The following RXFP1 variants were observed in gnomAD, a reference collection of about 807,000 sequenced individuals.
RXFP1 encodes the protein relaxin family peptide receptor 1, also known as relaxin receptor 1.
A neutral mutation model predicts 89.8 loss-of-function variants in RXFP1; 73 were observed. The observed-to-expected ratio is 0.81, with a 90% CI of 0.67 to 0.99. The LOEUF (loss-of-function observed/expected upper bound fraction) is 0.99, where lower values mean the gene tolerates loss of function less well. Ranked by LOEUF, RXFP1 falls within the 50% of genes least tolerant of loss-of-function variation. RXFP1 has a pLI of 0.00. For synonymous variants in RXFP1, 277 were observed against 305.5 expected, an observed-to-expected ratio of 0.91 and a Z score of 0.97; for missense variants, 793 against 895.5, an observed-to-expected ratio of 0.89 and a Z score of 1.46.
chr4:158,545,598 C>T (rs192060252), intron 1 of RXFP1, among the ~76,000 whole-genome samples: 1 of 152,288 alleles, frequency 6.6e-6, no homozygotes, highest in East Asian at 1.9e-4. Flanking sequence ...ACATGTAAGT[C>T]TTTAATTCAT....
At chr4:158,573,165 C>T in intron 2 of RXFP1, 1 of 183,082 alleles carries the variant, frequency 5.5e-6, no homozygotes. Context: ...CCCACCATCA[C>T]GCCCGGCTAA....
chr4:158,595,175 T>G (rs1025042921), intron 3 of RXFP1, among the ~76,000 whole-genome samples: 1 of 152,228 alleles, frequency 6.6e-6, no homozygotes, highest in Non-Finnish European at 1.5e-5. Context: ...AATTATTCAA[T>G]TCTCTTACTC....
At chr4:158,587,782 A>C (rs1366476774) in intron 2 of RXFP1, among the ~76,000 whole-genome samples, 1 of 152,182 alleles carries the variant, frequency 6.6e-6, no homozygotes, top group Admixed American at 6.5e-5. Flanking sequence ...TTCTGCTTAT[A>C]TATATCTGTA....
In RXFP1 at chr4:158,579,728, A is replaced by G. The variant is rs981712476; in HGVS notation, c.187+6893A>G. 2.0e-5 allele frequency among the ~76,000 whole-genome samples: 3 copies of G among 152,360 alleles called. No homozygotes were observed. In the East Asian group the frequency reaches 5.8e-4, roughly 29 times the overall value. On this transcript the variant is annotated intron_variant, in intron 2 of 17. Coordinates refer to ENST00000307765, the MANE Select transcript of RXFP1 (RefSeq NM_021634.4). ...TCTGGTCCAGATTAAAGCAAGCCTT[A>G]GAATTTAGTCTTAGTGGATTTTAGA...
chr4:158,645,111 T>G lies in RXFP1; in HGVS notation c.1318T>G (p.Tyr440Asp). 1 of 1,613,784 alleles carries G rather than the reference T, an allele frequency of 6.2e-7. No homozygotes were observed. Among genetic ancestry groups the G allele is most frequent in the Non-Finnish European group, 8.5e-7 (1 of 1,179,636 alleles). Residue 440 changes from tyrosine to aspartate, a missense_variant, in exon 15 of 18, where the codon TAT (tyrosine) becomes GAT (aspartate). By Grantham distance (160) the Tyr-to-Asp change is radical. Coordinates refer to ENST00000307765, the MANE Select transcript of RXFP1 (RefSeq NM_021634.4). ...RPYIRSENKL[Y>D]AMSIISLCCA... ...TTATATCAGGTCTGAGAACAAGCTG[T>G]ATGCCATGTCAATCATTTCTCTCTG... is the stretch of plus-strand genomic sequence containing the variant.
chr4:158,626,132 A>ATAGATAGATAGATAGATAGATAGT, intron 9 of RXFP1, among the ~76,000 whole-genome samples: 1 of 144,002 alleles, frequency 6.9e-6, no homozygotes, highest in African/African-American at 2.6e-5. Context: ...AGATAGATAG[A>ATAGATAGATAGATAGATAGATAGT]TAGATAGATA....
chr4:158,615,541 A>G (rs1764388863), intron 8 of RXFP1, among the ~76,000 whole-genome samples: 1 of 152,090 alleles, frequency 6.6e-6, no homozygotes, highest in Admixed American at 6.5e-5. Context: ...TGTCTCAAAA[A>G]AAAAAAAAGA....
intron 1 of RXFP1, among the ~76,000 whole-genome samples, chr4:158,543,513 C>A (rs1241275353): frequency 6.6e-6 from 1 of 152,318 alleles, no homozygotes; most frequent in East Asian, 1.9e-4. Context: ...TTGGGGCAGT[C>A]ACCTCATCTA....
chr4:158,623,502 CAA>C (rs56692438), intron 9 of RXFP1, among the ~76,000 whole-genome samples: 1,405 of 42,482 alleles, frequency 0.033, 12 homozygotes, highest in African/African-American at 0.086. Context: ...AACTCCATCT[CAA>C]AAAAAAAAAA....
intron 10 of RXFP1, among the ~76,000 whole-genome samples, chr4:158,628,241 C>G (rs574540237): frequency 1.2e-4 from 18 of 152,206 alleles, no homozygotes; most frequent in African/African-American, 3.6e-4. Flanking sequence ...GAAATCACAT[C>G]AAGTAACAAA....
At chr4:158,611,816 G>A (rs1763635839) in intron 6 of RXFP1, among the ~76,000 whole-genome samples, 1 of 152,170 alleles carries the variant, frequency 6.6e-6, no homozygotes, top group African/African-American at 2.4e-5. Flanking sequence ...TTCACATGCT[G>A]TGGCCTCTCC....
intron 9 of RXFP1, among the ~76,000 whole-genome samples, chr4:158,620,294 G>T (rs1286201044): frequency 2.0e-5 from 3 of 152,078 alleles, no homozygotes; most frequent in African/African-American, 7.2e-5. Context: ...AAAAATAAAG[G>T]CAAAACAGAA....
In RXFP1 at chr4:158,594,575, T is replaced by A. The variant is rs1431589134; in HGVS notation, c.286+1076T>A. Among the ~76,000 whole-genome samples, 7 of 152,284 alleles carry A rather than the reference T, an allele frequency of 4.6e-5. No homozygotes were observed. The East Asian group carries it at 1.4e-3, about 29-fold the overall frequency. On this transcript the variant is annotated intron_variant, in intron 3 of 17. Coordinates refer to ENST00000307765, the MANE Select transcript of RXFP1 (RefSeq NM_021634.4). Reference sequence around the variant, plus strand: ...CACATAGTGAGCACTCAATAAATTATTGTTGAAGTCTATATAGGAGGCTAT... The same window carrying A: ...CACATAGTGAGCACTCAATAAATTAATGTTGAAGTCTATATAGGAGGCTAT...
chr4:158,649,372 A>G (rs966329432), intron 17 of RXFP1, among the ~76,000 whole-genome samples: 1 of 152,156 alleles, frequency 6.6e-6, no homozygotes, highest in East Asian at 1.9e-4. Context: ...ATGTAAGAAA[A>G]TTTTCTTCCT....
chr4:158,530,441 G>GT (rs1456763204), intron 1 of RXFP1, among the ~76,000 whole-genome samples: 12 of 152,104 alleles, frequency 7.9e-5, no homozygotes, highest in Admixed American at 2.6e-4. Context: ...TATTTTAATG[G>GT]TTTTTTCCCA....
intron 3 of RXFP1, among the ~76,000 whole-genome samples, chr4:158,593,841 GA>G (rs999798359): frequency 6.6e-6 from 1 of 152,152 alleles, no homozygotes; most frequent in African/African-American, 2.4e-5. Context: ...GTGATGTAAA[GA>G]AAACAGAGAA....
chr4:158,600,763 G>A (rs1036280949), intron 4 of RXFP1, among the ~76,000 whole-genome samples: 2 of 151,820 alleles, frequency 1.3e-5, no homozygotes, highest in African/African-American at 4.8e-5. Context: ...GGAGGTCAAG[G>A]CTGCAGTGAG....
chr4:158,610,168 G>A (rs1580043296), intron 6 of RXFP1, among the ~76,000 whole-genome samples: 3 of 152,184 alleles, frequency 2.0e-5, no homozygotes, highest in Middle Eastern at 3.4e-3. Context: ...AGGAGGGTGA[G>A]GCAAGAGAAT....
chr4:158,527,564 A>AAATAATATATAT (rs5741905), intron 1 of RXFP1, among the ~76,000 whole-genome samples: 1 of 98,338 alleles, frequency 1.0e-5, no homozygotes, highest in African/African-American at 3.5e-5. Context: ...AAAAAAAAAA[A>AAATAATATATAT]ATATATATAT....
Sources: allele counts gnomAD v4.1 joint callset (sites outside exome capture counted in the v4.1 genomes callset), GRCh38; gene constraint gnomAD v4.1.1; transcripts MANE v1.5; gene names NCBI Gene and HGNC (gene_info 2026-07-23, HGNC 2026-07-21).